Variants in UNC79 observed in about 807,000 individuals in gnomAD.
The protein encoded by UNC79 is protein unc-79 homolog.
Under a neutral mutation model 283.1 loss-of-function variants are expected in UNC79, and 37 were observed. The observed-to-expected ratio is 0.13, with a 90% CI of 0.10 to 0.17. The LOEUF is 0.17. UNC79 is among the 10% of genes least tolerant of loss of function. The pLI is 1.00. For missense variants in UNC79, 2,272 were observed against 3,211.1 expected (o/e 0.71, Z 7.07); for synonymous variants, 1,107 against 1,200.2 (o/e 0.92, Z 1.61).
At chr14:93,655,111 T>G (rs1392673781) in intron 37 of UNC79, 123 bp from the exon 41 acceptor site, 4 of 1,007,836 alleles carry the variant, frequency 4.0e-6, no homozygotes, top group African/African-American at 1.6e-5. Context: ...GATTGGCCTA[T>G]GTAGTAGGCA....
At chr14:93,609,940 A>G (rs967897344) in intron 26 of UNC79, among the ~76,000 whole-genome samples, 2 of 152,208 alleles carry the variant, frequency 1.3e-5, no homozygotes, top group African/African-American at 4.8e-5. Context: ...AAGTTTCCAT[A>G]AACATCCTTT....
At chr14:93,666,233 G>A (rs1307539975) in intron 40 of UNC79, among the ~76,000 whole-genome samples, 16 of 151,896 alleles carry the variant, frequency 1.1e-4, no homozygotes, top group Admixed American at 1.1e-3. Context: ...TCCAAACATA[G>A]AATAAAACAA....
intron 1 of UNC79, among the ~76,000 whole-genome samples, chr14:93,408,556 G>A (rs1007028410): frequency 2.0e-5 from 3 of 152,182 alleles, no homozygotes; most frequent in African/African-American, 7.2e-5. Context: ...GCTGGGCATG[G>A]TGGTGCACGC....
At chr14:93,365,527 C>A (rs549087858) in intron 1 of UNC79, among the ~76,000 whole-genome samples, 3 of 151,860 alleles carry the variant, frequency 2.0e-5, no homozygotes, top group African/African-American at 7.2e-5. Context: ...AAGCAGAGAA[C>A]GATTTTTAAA....
At chr14:93,637,448 G>A in intron 32 of UNC79, 149 bp downstream of exon 35, 2 of 1,344,564 alleles carry the variant, frequency 1.5e-6, no homozygotes, top group South Asian at 1.5e-5. Flanking sequence ...GGCTGAGAGT[G>A]CGTGACATCT....
At chr14:93,663,674 A>T (rs1168114454) in intron 40 of UNC79, among the ~76,000 whole-genome samples, 1 of 152,056 alleles carries the variant, frequency 6.6e-6, no homozygotes, top group Non-Finnish European at 1.5e-5. Flanking sequence ...ACTATTTATT[A>T]CCCTGCCTGG....
chr14:93,572,163 C>A lies in UNC79; in HGVS notation c.1946+79C>A, dbSNP rs573346594. 26 of 1,433,944 alleles carry A rather than the reference C, an allele frequency of 1.8e-5. No homozygotes were observed. In the African/African-American group the frequency reaches 3.4e-4, roughly 19 times the overall value. The allele number at this position is 1,433,944 out of a possible 1,614,324, so 88.8% of individuals were successfully genotyped here. ...GTGAGCATGTACTGTATGCCGGTCA[C>A]CCTACTAAGCGTTTTATATAATCTC... is the stretch of plus-strand genomic sequence containing the variant. On this transcript the variant is annotated intron_variant, in intron 15 of 48. Transcript: ENST00000555664.
exon 30 of UNC79, chr14:93,622,783 A>C (rs927192606): frequency 1.2e-6 from 2 of 1,614,112 alleles, no homozygotes; most frequent in Non-Finnish European, 1.7e-6. Context: ...CTATCCAGAG[A>C]GAGTACCTCG....
At chr14:93,625,099 C>T (rs992294778) in intron 30 of UNC79, among the ~76,000 whole-genome samples, 8 of 152,310 alleles carry the variant, frequency 5.3e-5, no homozygotes, top group East Asian at 3.9e-4. Flanking sequence ...CATGGTCCTT[C>T]ATGAGCAAAA....
chr14:93,387,699 G>T (rs778568143), intron 1 of UNC79, among the ~76,000 whole-genome samples: 5 of 152,200 alleles, frequency 3.3e-5, no homozygotes, highest in Middle Eastern at 3.2e-3. Flanking sequence ...CTGAAGAAAA[G>T]AATGTCTATT....
chr14:93,568,881 T>A (rs907139793), intron 14 of UNC79, among the ~76,000 whole-genome samples: 2 of 152,212 alleles, frequency 1.3e-5, no homozygotes, highest in Non-Finnish European at 2.9e-5. Flanking sequence ...TTAGTTGCCC[T>A]GATATATAAT....
intron 1 of UNC79, among the ~76,000 whole-genome samples, chr14:93,350,927 C>G (rs1429671522): frequency 6.6e-6 from 1 of 152,158 alleles, no homozygotes; most frequent in East Asian, 1.9e-4. Context: ...TTTATCTGTA[C>G]TCTTGATTTT....
intron 39 of UNC79, among the ~76,000 whole-genome samples, chr14:93,660,606 T>C (rs1362427926): frequency 6.9e-6 from 1 of 145,550 alleles, no homozygotes; most frequent in Non-Finnish European, 1.5e-5. Context: ...TTATTTTATT[T>C]TGAGACAGAG....
chr14:93,505,906 A>G lies in UNC79; in HGVS notation c.898+8620A>G, dbSNP rs1226773399. ...GTAGTACTTTTATATTGCTGCGTAA[A>G]GTGGCAGAAAATTTTAACTCCATTT... On this transcript the variant is annotated intron_variant, in intron 7 of 48. Coordinates refer to ENST00000555664, the Ensembl canonical transcript of UNC79. 2.6e-5 allele frequency among the ~76,000 whole-genome samples: 4 copies of G among 151,806 alleles called. No homozygotes were observed. The East Asian group carries it at 7.7e-4, about 29-fold the overall frequency.
In UNC79 at chr14:93,474,264, C is replaced by G. The variant is rs754184597; in HGVS notation, c.319C>G (p.Pro107Ala). The G allele has an allele frequency of 2.6e-6, 4 of 1,535,946 alleles. No individual in the cohort carries two copies. The African/African-American group carries it at 5.5e-5, about 21-fold the overall frequency. The change falls in exon 3 of 49, where the codon CCC (proline) becomes GCC (alanine). Residue 107 changes from proline to alanine, a missense_variant. Pro to Ala is a conservative substitution (Grantham distance 27). This residue lies in a region of UNC79 where 194 missense variants were observed against 268.9 expected (regional missense o/e 0.72). Transcript: ENST00000555664. The surrounding 1 kb of genome is among the most constrained non-coding windows in gnomAD (Gnocchi z 4.1). The stretch of plus-strand genomic sequence containing the variant: ...CCTTTACAGCGTCCTGCGAGATGCT[C>G]CCTCAGAACGCGGCCCGCAAAGTCG...
intron 22 of UNC79, among the ~76,000 whole-genome samples, chr14:93,588,297 T>G (rs1213135994): frequency 6.6e-6 from 1 of 152,050 alleles, no homozygotes; most frequent in Non-Finnish European, 1.5e-5. Flanking sequence ...AGCACCCAAA[T>G]TTAAGAGAGT....
At chr14:93,382,789 C>A (rs2054690746) in intron 1 of UNC79, among the ~76,000 whole-genome samples, 1 of 152,086 alleles carries the variant, frequency 6.6e-6, no homozygotes, top group African/African-American at 2.4e-5. Context: ...TCTTCCTCCT[C>A]ATCAGTTAGT....
At chr14:93,462,874 T>C (rs1256404304) in intron 1 of UNC79, among the ~76,000 whole-genome samples, 1 of 152,134 alleles carries the variant, frequency 6.6e-6, no homozygotes, top group African/African-American at 2.4e-5. Context: ...GAGATATTTA[T>C]AAGATTCCCA....
exon 32 of UNC79, chr14:93,637,298 A>G: frequency 6.2e-7 from 1 of 1,613,826 alleles, no homozygotes; most frequent in Non-Finnish European, 8.5e-7. Flanking sequence ...TGAGGATGAG[A>G]GGTTAGTTGA....
Sources: allele counts gnomAD v4.1 joint callset (sites outside exome capture counted in the v4.1 genomes callset), GRCh38; gene constraint gnomAD v4.1.1; regional missense constraint gnomAD v4.1.1; non-coding constraint Gnocchi (gnomAD v3.1); transcripts MANE v1.5; gene names NCBI Gene and HGNC (gene_info 2026-07-23, HGNC 2026-07-21).